The following HK1 variants were observed in gnomAD, a reference collection of about 807,000 sequenced individuals.
The protein encoded by HK1 is hexokinase 1.
A neutral mutation model predicts 91.6 loss-of-function variants in HK1; 28 were observed. The ratio of observed to expected loss-of-function variants is 0.31; its 90% CI spans 0.23 to 0.42. HK1 has a LOEUF of 0.42. Among genes scored for constraint, HK1 ranks in the 10% least tolerant of loss-of-function variants. The probability of loss-of-function intolerance (pLI) is 1.00; values close to 1 mark genes in which losing one functional copy is unlikely to be tolerated. For missense variants in HK1, 770 were observed against 1,219.8 expected, an observed-to-expected ratio of 0.63 and a Z score of 5.49; for synonymous variants, 430 against 468.1, an observed-to-expected ratio of 0.92 and a Z score of 1.05.
intron 1 of HK1, chr10:69,338,805 G>C (rs149112132): frequency 1.3e-5 from 11 of 821,794 alleles, no homozygotes; most frequent in Non-Finnish European, 1.8e-5. Context: ...AGAGGGAAGA[G>C]GGGAAAAGGA....
At chr10:69,384,609 G>C in intron 11 of HK1, 128 bp downstream of exon 11, 1 of 1,443,270 alleles carries the variant, frequency 6.9e-7, no homozygotes, top group South Asian at 1.2e-5. Context: ...AGAAGCACCA[G>C]ATGCTTTTTG....
chr10:69,274,036 T>C (rs186108649), intron 1 of HK1, among the ~76,000 whole-genome samples: 1 of 152,224 alleles, frequency 6.6e-6, no homozygotes, highest in African/African-American at 2.4e-5. Context: ...TAGAGTCTGA[T>C]GTAGATATTA....
intron 1 of HK1, among the ~76,000 whole-genome samples, chr10:69,329,244 C>T (rs1847560920): frequency 6.6e-6 from 1 of 151,658 alleles, no homozygotes; most frequent in African/African-American, 2.4e-5. Context: ...CTCAGTGCAA[C>T]CTCTGCCTCC....
At chr10:69,318,470 G>A (rs1324286012), upstream of HK1, among the ~76,000 whole-genome samples, 2 of 152,170 alleles carry the variant, frequency 1.3e-5, no homozygotes, top group Non-Finnish European at 2.9e-5. Flanking sequence ...TTCTCGTCCC[G>A]GCGGAGCCGG....
intron 1 of HK1, among the ~76,000 whole-genome samples, chr10:69,339,161 G>C (rs1271874537): frequency 6.6e-6 from 1 of 152,196 alleles, no homozygotes; most frequent in Non-Finnish European, 1.5e-5. Flanking sequence ...CTAGTCATGT[G>C]CTTTTCTCCA....
At position 69,382,788 on chromosome 10, in the gene HK1, A is replaced by G; in HGVS notation, c.1567A>G (p.Thr523Ala). The G allele has an allele frequency of 6.2e-7, 1 of 1,610,438 alleles. No homozygotes were observed. The change falls in exon 10 of 18, where the codon ACC becomes GCC. Residue 523 changes from threonine to alanine, a missense_variant. Physicochemically the swap from Thr to Ala is moderately conservative, Grantham distance 58. This residue lies in a region of HK1 where 48 missense variants were observed against 128.2 expected (regional missense o/e 0.37). Transcript: ENST00000359426. The part of the protein sequence containing the change: ...PSFVRRTPDG[T>A]ENGDFLALDL... Reference sequence around the variant, plus strand: ...CTTCGTCCGGAGAACTCCCGACGGGACCGGTGAGGGCCTGCTGGGGGCTGA... The same window carrying G: ...CTTCGTCCGGAGAACTCCCGACGGGGCCGGTGAGGGCCTGCTGGGGGCTGA...
intron 15 of HK1, 92 bp from the exon 16 acceptor site, chr10:69,394,858 C>T: frequency 7.9e-7 from 1 of 1,262,062 alleles, no homozygotes; most frequent in South Asian, 1.2e-5. Flanking sequence ...GCTTGAGGGG[C>T]AGTAGGAGAC....
chr10:69,285,291 G>A (rs1303588590), intron 2 of HK1, among the ~76,000 whole-genome samples: 4 of 152,044 alleles, frequency 2.6e-5, no homozygotes, highest in Non-Finnish European at 5.9e-5. Context: ...GGGCGAGGTG[G>A]CGGGCGCCTG....
chr10:69,394,822 G>T, intron 15 of HK1, 128 bp from the exon 16 acceptor site: 1 of 905,986 alleles, frequency 1.1e-6, no homozygotes, highest in Middle Eastern at 3.2e-4. Flanking sequence ...AGAGCACAGG[G>T]CTGGGCACAT....
chr10:69,326,807 T>C (rs757528991), intron 1 of HK1, among the ~76,000 whole-genome samples: 9 of 152,196 alleles, frequency 5.9e-5, no homozygotes, highest in Non-Finnish European at 1.0e-4. Flanking sequence ...TGCTTCTCCC[T>C]TCGGAGGTGA....
chr10:69,343,877 T>C lies in HK1; in HGVS notation c.114T>C (p.Asp38=). Residue 38 remains aspartate (D), a synonymous_variant, in exon 2 of 18, where the codon GAT becomes GAC. Coordinates refer to ENST00000359426, the MANE Select transcript of HK1 (RefSeq NM_000188.3). ...AMRLSDETLI[D]IMTRFRKEMK... ...GGCTCTCCGATGAAACTCTCATAGA[T>C]ATCATGACTCGCTTCAGGAAGGAGA... The C allele has an allele frequency of 6.2e-7, 1 of 1,614,046 alleles. No homozygotes were observed. Among genetic ancestry groups the C allele is most frequent in the East Asian group, 2.2e-5 (1 of 44,876 alleles).
intron 1 of HK1, among the ~76,000 whole-genome samples, chr10:69,332,394 T>TTCTTTCTTTCTTTCTTTCTTTTC (rs1847781534): frequency 6.8e-6 from 1 of 147,316 alleles, no homozygotes; most frequent in Non-Finnish European, 1.5e-5. Flanking sequence ...TTTTTCTTTT[T>TTCTTTCTTTCTTTCTTTCTTTTC]TTGAGACAGA....
upstream of HK1, chr10:69,318,130 G>A (rs568800599): frequency 1.0e-5 from 10 of 985,460 alleles, no homozygotes; most frequent in South Asian, 4.7e-5. Context: ...TGACTCGGGG[G>A]CGGGTGCTCT....
At chr10:69,276,944 C>T (rs1038048222) in intron 1 of HK1, among the ~76,000 whole-genome samples, 5 of 151,818 alleles carry the variant, frequency 3.3e-5, no homozygotes, top group African/African-American at 1.2e-4. Context: ...TCTCTCTTAC[C>T]CCTATAGCCC....
intron 1 of HK1, among the ~76,000 whole-genome samples, chr10:69,331,614 C>A: frequency 6.6e-6 from 1 of 152,180 alleles, no homozygotes; most frequent in East Asian, 1.9e-4. Flanking sequence ...GTGGCTCACA[C>A]CTGTAATCCT....
intron 5 of HK1, among the ~76,000 whole-genome samples, chr10:69,302,789 T>C (rs1845943731): frequency 6.6e-6 from 1 of 151,666 alleles, no homozygotes; most frequent in African/African-American, 2.4e-5. Context: ...GTAGGTTTCA[T>C]TTGTTTGCTT....
intron 2 of HK1, among the ~76,000 whole-genome samples, chr10:69,352,638 A>G (rs10823350): frequency 0.24 from 36,896 of 152,106 alleles, 5,397 homozygotes; most frequent in South Asian, 0.41. Flanking sequence ...AATATTATAC[A>G]ATTCCACTTA....
At chr10:69,279,457 A>G (rs1190950633) in intron 1 of HK1, among the ~76,000 whole-genome samples, 1 of 152,194 alleles carries the variant, frequency 6.6e-6, no homozygotes, top group African/African-American at 2.4e-5. Flanking sequence ...GTAGTGCCCA[A>G]CTGCAGGTAG....
chr10:69,393,289 CTT>C (rs1491474319), intron 15 of HK1, among the ~76,000 whole-genome samples: 3 of 149,406 alleles, frequency 2.0e-5, no homozygotes, highest in African/African-American at 7.4e-5. Flanking sequence ...CCCTTATAGT[CTT>C]TTTCTTTTCT....
Sources: gnomAD v4.1 joint callset for allele counts (sites outside exome capture counted in the v4.1 genomes callset) on GRCh38, gnomAD v4.1.1 for gene constraint, gnomAD v4.1.1 regional missense constraint, MANE v1.5 for transcripts, NCBI Gene and HGNC (gene_info 2026-07-23, HGNC 2026-07-21) for gene names.